Variants in ZNF483 observed in about 807,000 individuals in gnomAD.
ZNF483 encodes the protein zinc finger protein HIT-10.
Under a neutral mutation model 28.6 loss-of-function variants are expected in ZNF483, and 9 were observed. The observed-to-expected ratio is 0.32, with a 90% confidence interval of 0.19 to 0.55. The LOEUF is 0.55. Ranked by LOEUF, ZNF483 falls within the 20% of genes least tolerant of loss-of-function variation. ZNF483 has a pLI of 0.93. For missense variants in ZNF483, 675 were observed against 871.7 expected, an observed-to-expected ratio of 0.77 and a Z score of 2.84; for synonymous variants, 322 against 306.2, an observed-to-expected ratio of 1.05 and a Z score of -0.54.
In ZNF483 at chr9:111,549,437, T is replaced by C. The variant is rs1827874865; in HGVS notation, c.*6267T>C. ...AATGAATCTTTTGGTGCTCAGTAAG[T>C]TGTGATTTCCAAGCAAAGTGTTTTT... On this transcript the variant is annotated 3_prime_UTR_variant, in exon 6 of 6. Transcript: ENST00000309235. 1.3e-5 allele frequency among the ~76,000 whole-genome samples: 2 copies of C among 152,174 alleles called. No homozygotes were observed. The highest frequency in any genetic ancestry group is 2.9e-5 in the Non-Finnish European group (2 of 68,034).
intron 3 of ZNF483, among the ~76,000 whole-genome samples, chr9:111,531,178 C>G (rs912550485): frequency 4.6e-5 from 7 of 151,928 alleles, no homozygotes; most frequent in African/African-American, 1.7e-4. Context: ...GCCTGGGCAA[C>G]AGAGCAAGAC....
At chr9:111,575,464 T>C (rs1829017337) in intron 5 of ZNF483, 1 of 152,212 alleles carries the variant, frequency 6.6e-6, no homozygotes, top group African/African-American at 2.4e-5. Flanking sequence ...TCAAAAGGTG[T>C]ATAGAGAACA....
At chr9:111,536,172 T>A (rs1316129157) in intron 5 of ZNF483, among the ~76,000 whole-genome samples, 1 of 151,444 alleles carries the variant, frequency 6.6e-6, no homozygotes, top group Non-Finnish European at 1.5e-5. Context: ...ATTACAGGCA[T>A]GAGCCACTGT....
At chr9:111,533,497 A>AT in intron 3 of ZNF483, among the ~76,000 whole-genome samples, 1 of 152,210 alleles carries the variant, frequency 6.6e-6, no homozygotes, top group East Asian at 1.9e-4. Context: ...GCCTGGGCAA[A>AT]TAGTGAGACA....
In ZNF483 at chr9:111,547,066, A is replaced by G. The variant is rs909222910; in HGVS notation, c.*3896A>G. 6.6e-6 allele frequency among the ~76,000 whole-genome samples: 1 copy of G among 152,116 alleles called. No individual in the cohort carries two copies. The highest frequency in any genetic ancestry group is 2.4e-5 in the African/African-American group (1 of 41,446). On this transcript the variant is annotated 3_prime_UTR_variant, in exon 6 of 6. Transcript: ENST00000309235. Reference sequence around the variant, plus strand: ...ATATTCCATTTTACTTGTATACCACATTTTGTTTATCCTTTTATCTGCCAG... The same window carrying G: ...ATATTCCATTTTACTTGTATACCACGTTTTGTTTATCCTTTTATCTGCCAG...
At position 111,552,909 on chromosome 9, in the gene ZNF483, T is replaced by C. The variant is rs1564603931; in HGVS notation, c.*9739T>C. ...TTTCATGAATGTCTTTTAAGGTCTT[T>C]TCCTCATAATTTTCTAAATACGATA... On this transcript the variant is annotated 3_prime_UTR_variant, in exon 6 of 6. Transcript: ENST00000309235. Among the ~76,000 whole-genome samples the C allele has an allele frequency of 6.6e-6, 1 of 152,188 alleles. No individual in the cohort carries two copies. Among genetic ancestry groups the C allele is most frequent in the African/African-American group, 2.4e-5 (1 of 41,446 alleles).
rs13301623 is a variant in ZNF483, at chr9:111,543,677, C to T, written c.*507C>T. On this transcript the variant is annotated 3_prime_UTR_variant, in exon 6 of 6. Coordinates refer to ENST00000309235, the MANE Select transcript of ZNF483 (RefSeq NM_133464.5). ...TCCTGATAATCTCTGAAGCTGTGGACATAAGTTATTTTTTTTTATTTGTCA... is the reference window on the plus strand; with the variant it reads ...TCCTGATAATCTCTGAAGCTGTGGATATAAGTTATTTTTTTTTATTTGTCA... The T allele has an allele frequency of 0.4, 387,363 of 977,256 alleles. 79,643 individuals are homozygous for T. The highest frequency in any genetic ancestry group is 0.42 in the Non-Finnish European group (348,102 of 822,986). The allele number at this position is 977,256 out of a possible 1,614,324, so 60.5% of individuals were successfully genotyped here.
At chr9:111,567,250 C>G (rs1417260631) in intron 5 of ZNF483, among the ~76,000 whole-genome samples, 1 of 152,106 alleles carries the variant, frequency 6.6e-6, no homozygotes, top group Non-Finnish European at 1.5e-5. Context: ...TGCAGTGGCA[C>G]GATCTTGACT....
chr9:111,562,452 T>G (rs1490212191), intron 5 of ZNF483: 1 of 152,048 alleles, frequency 6.6e-6, no homozygotes, highest in African/African-American at 2.4e-5. Context: ...ATTTTTGTAT[T>G]TTCAGTAGAG....
intron 5 of ZNF483, among the ~76,000 whole-genome samples, chr9:111,572,270 G>A (rs1828850006): frequency 6.6e-6 from 1 of 152,188 alleles, no homozygotes; most frequent in African/African-American, 2.4e-5. Flanking sequence ...TTCTTTGTGA[G>A]TTAGGGATTG....
chr9:111,569,993 G>T, intron 5 of ZNF483: 1 of 1,561,408 alleles, frequency 6.4e-7, no homozygotes, highest in South Asian at 1.2e-5. Context: ...CTGACGATGC[G>T]GCAGAGATGG....
intron 5 of ZNF483, chr9:111,574,603 T>C (rs1388624817): frequency 1.3e-5 from 8 of 622,430 alleles, no homozygotes; most frequent in African/African-American, 1.2e-4. Context: ...AGACTCTGTC[T>C]TAAAAAAAAA....
chr9:111,542,925 A>G lies in ZNF483; in HGVS notation c.1990A>G (p.Lys664Glu). 1 of 1,614,098 alleles carries G rather than the reference A, an allele frequency of 6.2e-7. No homozygotes were observed. Among genetic ancestry groups the G allele is most frequent in the Non-Finnish European group, 8.5e-7 (1 of 1,180,014 alleles). Residue 664 changes from lysine to glutamate, a missense_variant, in exon 6 of 6, where the codon AAA becomes GAA. By Grantham distance (56) the Lys-to-Glu change is moderately conservative. This residue lies in a region of ZNF483 where 47 missense variants were observed against 93.5 expected (regional missense o/e 0.50). Transcript: ENST00000309235. The surrounding 1 kb of genome is among the most constrained non-coding windows in gnomAD (Gnocchi z 6.2). ...AATTCATACTGGTGTAAAACCTTAT[A>G]AATGTAAAGAATGTGGGAAGTCCTT... ...QRIHTGVKPYKCKECGKSFSQ... is the reference protein window; with the variant it reads ...QRIHTGVKPYECKECGKSFSQ...
In ZNF483 at chr9:111,530,981, G is replaced by T; in HGVS notation, c.501+18G>T. 7.7e-7 allele frequency: 1 copy of T among 1,305,400 alleles called. No individual in the cohort carries two copies. The highest frequency in any genetic ancestry group is 1.1e-6 in the Non-Finnish European group (1 of 946,940). 80.9% of individuals were successfully genotyped at this position (1,305,400 alleles called of 1,614,324 possible). A position where few individuals can be genotyped will look rare whatever the true frequency, so the allele number is the denominator to read the frequency against. ...AGTCCTGTGTAAGTTTCCTTTGATG[G>T]TTTTTATTCCTAAGTGAATACTTAA... On this transcript the variant is annotated intron_variant, in intron 3 of 5. Transcript: ENST00000309235.
chr9:111,546,166 A>T lies in ZNF483; in HGVS notation c.*2996A>T, dbSNP rs1043823016. ...TCCTGATGGCGAATAATGTCAAAGC[A>T]TCTTTTATGTGCTCTTCAGCCATTC... On this transcript the variant is annotated 3_prime_UTR_variant, in exon 6 of 6. Transcript: ENST00000309235. Among the ~76,000 whole-genome samples the T allele has an allele frequency of 6.6e-6, 1 of 152,182 alleles. No individual in the cohort carries two copies. The highest frequency in any genetic ancestry group is 2.4e-5 in the African/African-American group (1 of 41,448).
intron 5 of ZNF483, among the ~76,000 whole-genome samples, chr9:111,573,481 C>T (rs1828920781): frequency 6.6e-6 from 1 of 152,156 alleles, no homozygotes. Context: ...ATTAGTCAAG[C>T]TCATCATAGA....
chr9:111,573,935 A>T (rs536399493), intron 5 of ZNF483, among the ~76,000 whole-genome samples: 6 of 152,122 alleles, frequency 3.9e-5, no homozygotes, highest in Non-Finnish European at 7.4e-5. Flanking sequence ...ACAATCAAGG[A>T]ATGGAGGGAA....
chr9:111,571,656 TTTTGTTTGTTTG>T (rs112914784), intron 5 of ZNF483, among the ~76,000 whole-genome samples: 1 of 151,276 alleles, frequency 6.6e-6, no homozygotes, highest in Non-Finnish European at 1.5e-5. Context: ...TTTTTTTAGT[TTTTGTTTGTTTG>T]TTTGTTTGTT....
rs1443969951 is a variant in ZNF483 at position 111,543,776 on chromosome 9, C to CTTTTTTTTTTTTTTTTT, written c.*618_*619insTTTTTTTTTTTTTTTTT. ...GCTGGACTTCTTTTCTTTTTTTTTTCTTTTTTTTTTTTCAATTTTTCTTTT... is the reference window on the plus strand; with the variant it reads ...GCTGGACTTCTTTTCTTTTTTTTTTCTTTTTTTTTTTTTTTTTTTTTTTTTTTTTCAATTTTTCTTTT... On this transcript the variant is annotated 3_prime_UTR_variant, in exon 6 of 6. Coordinates refer to ENST00000309235, the MANE Select transcript of ZNF483 (RefSeq NM_133464.5). 2.2e-6 allele frequency: 1 copy of CTTTTTTTTTTTTTTTTT among 456,638 alleles called. No homozygotes were observed. The allele number at this position is 456,638 out of a possible 1,614,324, so 28.3% of individuals were successfully genotyped here.
Sources: allele counts gnomAD v4.1 joint callset (sites outside exome capture counted in the v4.1 genomes callset), GRCh38; gene constraint gnomAD v4.1.1; regional missense constraint gnomAD v4.1.1; non-coding constraint Gnocchi (gnomAD v3.1); transcripts MANE v1.5; gene names NCBI Gene and HGNC (gene_info 2026-07-23, HGNC 2026-07-21).